CNBD1: variants seen among roughly 807,000 people sequenced by gnomAD.
CNBD1 encodes cyclic nucleotide binding domain containing 1.
Under a neutral mutation model 54.4 loss-of-function variants are expected in CNBD1, and 71 were observed. The observed-to-expected ratio is 1.30, with a 90% confidence interval of 1.08 to 1.59. The LOEUF is 1.59. Among genes scored for constraint, CNBD1 ranks in the 40% most tolerant of loss-of-function variants. CNBD1 has a pLI of 0.00. For missense variants in CNBD1, 659 were observed against 518.0 expected, an observed-to-expected ratio of 1.27 and a Z score of -2.64; for synonymous variants, 182 against 170.7, an observed-to-expected ratio of 1.07 and a Z score of -0.51.
chr8:87,027,099 A>G (rs888390163), intron 4 of CNBD1, among the ~76,000 whole-genome samples: 4 of 152,114 alleles, frequency 2.6e-5, no homozygotes, highest in East Asian at 3.9e-4. Context: ...TTAATAAGCC[A>G]ATTTGGTAAA....
intron 3 of CNBD1, among the ~76,000 whole-genome samples, chr8:86,907,964 A>G (rs1006511754): frequency 1.3e-5 from 2 of 152,334 alleles, no homozygotes; most frequent in African/African-American, 2.4e-5. Context: ...ACCTGTTATC[A>G]TTGTCATATA....
Position 87,303,689 on chromosome 8 carries a change from G to T in CNBD1, c.1042+17018G>T, listed in dbSNP as rs192128560. 9.0e-3 allele frequency among the ~76,000 whole-genome samples: 1,355 copies of T among 150,458 alleles called. 12 individuals carry two copies. Among genetic ancestry groups the T allele is most frequent in the South Asian group, 0.054 (257 of 4,758 alleles). ...CACAGCAAAAGAAACTACCATCAGA[G>T]TGAACAGGCAACCTACAGAATGGGA... On this transcript the variant is annotated intron_variant, in intron 8 of 10. Coordinates refer to ENST00000518476, the MANE Select transcript of CNBD1 (RefSeq NM_173538.3).
chr8:87,014,275 GT>G (rs58073603), intron 4 of CNBD1, among the ~76,000 whole-genome samples: 125,421 of 146,710 alleles, frequency 0.85, 53,493 homozygotes, highest in South Asian at 0.92. Context: ...ATTGTTAGCA[GT>G]TTTTTTTTTT....
chr8:87,183,385 GTTTTTTTT>G (rs3056356), intron 4 of CNBD1, among the ~76,000 whole-genome samples: 1 of 118,430 alleles, frequency 8.4e-6, no homozygotes, highest in African/African-American at 3.1e-5. Context: ...TGCGCTGTTT[GTTTTTTTT>G]TTTTTTTTTT....
intron 4 of CNBD1, among the ~76,000 whole-genome samples, chr8:87,145,678 G>T (rs1463783639): frequency 3.9e-5 from 6 of 152,120 alleles, no homozygotes; most frequent in African/African-American, 1.4e-4. Flanking sequence ...TTGTGAGAGG[G>T]TTTATAATCC....
intron 4 of CNBD1, among the ~76,000 whole-genome samples, chr8:86,951,434 G>A (rs1807618812): frequency 6.6e-6 from 1 of 151,274 alleles, no homozygotes; most frequent in Non-Finnish European, 1.5e-5. Context: ...ACTAAAAGTA[G>A]CTGGGTGTGG....
intron 2 of CNBD1, among the ~76,000 whole-genome samples, chr8:87,413,987 A>G (rs1807795588): frequency 6.6e-6 from 1 of 152,056 alleles, no homozygotes; most frequent in Non-Finnish European, 1.5e-5. Flanking sequence ...ATCTAGAGCT[A>G]GAAATACCAT....
intron 4 of CNBD1, among the ~76,000 whole-genome samples, chr8:87,092,212 G>C (rs1253680318): frequency 2.0e-5 from 3 of 152,032 alleles, no homozygotes; most frequent in Non-Finnish European, 4.4e-5. Context: ...TCTATTTCCA[G>C]TAATAGGGAA....
At chr8:87,367,769 T>A (rs917421630) in intron 10 of CNBD1, among the ~76,000 whole-genome samples, 5 of 152,112 alleles carry the variant, frequency 3.3e-5, no homozygotes, top group Admixed American at 6.6e-5. Context: ...ATGCTCTCTA[T>A]CGAAAGGTCA....
intron 8 of CNBD1, among the ~76,000 whole-genome samples, chr8:87,346,521 A>G (rs1198237667): frequency 1.3e-5 from 2 of 151,994 alleles, no homozygotes; most frequent in South Asian, 2.1e-4. Flanking sequence ...TATATTTGCT[A>G]TTTCATCATT....
chr8:87,006,553 G>C (rs1332506475), intron 4 of CNBD1, among the ~76,000 whole-genome samples: 1 of 152,066 alleles, frequency 6.6e-6, no homozygotes, highest in Non-Finnish European at 1.5e-5. Flanking sequence ...GGAAGGTGAA[G>C]TGGGAGTAGG....
intron 4 of CNBD1, among the ~76,000 whole-genome samples, chr8:86,961,114 G>C (rs774782816): frequency 6.6e-6 from 1 of 152,034 alleles, no homozygotes; most frequent in Non-Finnish European, 1.5e-5. Context: ...AATATATGTT[G>C]TTATAACATA....
chr8:87,371,477 A>T (rs1001668867), intron 10 of CNBD1, among the ~76,000 whole-genome samples: 2 of 151,880 alleles, frequency 1.3e-5, no homozygotes, highest in African/African-American at 2.4e-5. Flanking sequence ...AGTACTTCTA[A>T]CTCATTTTAT....
chr8:86,873,878 G>A (rs1479545309), intron 1 of CNBD1, among the ~76,000 whole-genome samples: 1 of 152,082 alleles, frequency 6.6e-6, no homozygotes, highest in African/African-American at 2.4e-5. Flanking sequence ...AGAGCAATTT[G>A]ACATTCCGTC....
intron 4 of CNBD1, among the ~76,000 whole-genome samples, chr8:87,190,148 A>G (rs923820165): frequency 1.3e-5 from 2 of 152,178 alleles, no homozygotes; most frequent in African/African-American, 4.8e-5. Context: ...TCTGTGGCTC[A>G]TAGAACATTT....
intron 6 of CNBD1, among the ~76,000 whole-genome samples, chr8:87,264,115 T>C (rs1354960732): frequency 6.6e-6 from 1 of 152,132 alleles, no homozygotes; most frequent in Non-Finnish European, 1.5e-5. Flanking sequence ...TCATTTAACA[T>C]TAGGTATATC....
chr8:87,244,252 C>T (rs60047159), intron 6 of CNBD1, among the ~76,000 whole-genome samples: 38,786 of 151,726 alleles, frequency 0.26, 5,235 homozygotes, highest in African/African-American at 0.32. Context: ...GCATTTCTTT[C>T]GAGTTTCTGA....
At chr8:87,052,195 TG>T (rs1034605496) in intron 4 of CNBD1, among the ~76,000 whole-genome samples, 9 of 152,212 alleles carry the variant, frequency 5.9e-5, no homozygotes, top group African/African-American at 2.2e-4. Flanking sequence ...TCCTGGTCCC[TG>T]TTGTAAAAGA....
chr8:86,900,774 A>T (rs138289323), intron 2 of CNBD1, among the ~76,000 whole-genome samples: 1 of 151,850 alleles, frequency 6.6e-6, no homozygotes, highest in East Asian at 1.9e-4. Flanking sequence ...GGAGAACTTA[A>T]GTTAGTTATT....
Sources: allele counts gnomAD v4.1 joint callset (sites outside exome capture counted in the v4.1 genomes callset), GRCh38; gene constraint gnomAD v4.1.1; transcripts MANE v1.5; gene names NCBI Gene and HGNC (gene_info 2026-07-23, HGNC 2026-07-21).